HNF1B: variants seen among roughly 807,000 people sequenced by gnomAD.
The protein encoded by HNF1B is HNF1 homeobox B.
A neutral mutation model predicts 61.7 loss-of-function variants in HNF1B; 8 were observed. The ratio of observed to expected loss-of-function variants is 0.13; its 90% CI spans 0.08 to 0.23. HNF1B has a LOEUF of 0.23. Ranked by LOEUF, HNF1B falls within the 10% of genes least tolerant of loss-of-function variation. HNF1B has a pLI of 1.00. For missense variants in HNF1B, 562 were observed against 714.5 expected (o/e 0.79, Z 2.43); for synonymous variants, 314 against 287.7 (o/e 1.09, Z -0.93).
At chr17:37,705,618 T>C (rs1480100261) in intron 5 of HNF1B, among the ~76,000 whole-genome samples, 1 of 152,272 alleles carries the variant, frequency 6.6e-6, no homozygotes, top group Non-Finnish European at 1.5e-5. Context: ...CTACTGATTT[T>C]GGTGTATTTA....
At chr17:37,729,436 A>G (rs1309977268) in intron 4 of HNF1B, 2 of 95,272 alleles carry the variant, frequency 2.1e-5, no homozygotes, top group Non-Finnish European at 4.2e-5. Context: ...CTGTCTCTCA[A>G]AAAAAAAAAA....
intron 1 of HNF1B, among the ~76,000 whole-genome samples, chr17:37,743,120 C>T (rs1184546087): frequency 6.6e-6 from 1 of 152,234 alleles, no homozygotes; most frequent in Non-Finnish European, 1.5e-5. Flanking sequence ...GCCCCAGGTC[C>T]TTCCAGCGCC....
chr17:37,696,412 GGGTGACAGAAC>G (rs971797936), intron 8 of HNF1B, among the ~76,000 whole-genome samples: 32 of 152,238 alleles, frequency 2.1e-4, no homozygotes, highest in African/African-American at 7.2e-4. Flanking sequence ...ACTCCAGCCT[GGGTGACAGAAC>G]GGGACCCTGT....
At chr17:37,728,595 C>G (rs1434342850) in intron 4 of HNF1B, 2 of 151,574 alleles carry the variant, frequency 1.3e-5, no homozygotes, top group Non-Finnish European at 2.9e-5. Context: ...CGTGAGCCAC[C>G]GCACCCGGCC....
chr17:37,697,080 G>A (rs1292222728), intron 8 of HNF1B, among the ~76,000 whole-genome samples: 1 of 152,180 alleles, frequency 6.6e-6, no homozygotes. Flanking sequence ...TGGAGTCAAA[G>A]ACCAAAGCCT....
At chr17:37,717,909 A>T (rs570098247) in intron 4 of HNF1B, among the ~76,000 whole-genome samples, 1 of 152,338 alleles carries the variant, frequency 6.6e-6, no homozygotes, top group Non-Finnish European at 1.5e-5. Flanking sequence ...AAATCTGCAA[A>T]TGTGGAAGAA....
chr17:37,720,537 T>C (rs2033277040), intron 4 of HNF1B, among the ~76,000 whole-genome samples: 1 of 151,954 alleles, frequency 6.6e-6, no homozygotes, highest in South Asian at 2.1e-4. Context: ...AGCACATATA[T>C]GCTATATAAA....
intron 8 of HNF1B, among the ~76,000 whole-genome samples, chr17:37,691,526 A>G (rs189481233): frequency 3.9e-5 from 6 of 152,278 alleles, no homozygotes; most frequent in Admixed American, 3.9e-4. Flanking sequence ...AGAGCCGCTC[A>G]GGGGTGCTAG....
intron 2 of HNF1B, among the ~76,000 whole-genome samples, 192 bp downstream of exon 2, chr17:37,739,248 C>T (rs2033919737): frequency 1.3e-5 from 2 of 152,130 alleles, no homozygotes; most frequent in African/African-American, 4.8e-5. Flanking sequence ...AGCAAGGGGG[C>T]TGTGACTGAA....
At chr17:37,729,361 A>G (rs1403489327) in intron 4 of HNF1B, 1 of 146,152 alleles carries the variant, frequency 6.8e-6, no homozygotes, top group African/African-American at 2.5e-5. Context: ...TGAGACCAGG[A>G]GTTCGAGGCT....
At chr17:37,737,960 C>G (rs1218385303) in intron 2 of HNF1B, among the ~76,000 whole-genome samples, 1 of 152,234 alleles carries the variant, frequency 6.6e-6, no homozygotes, top group Non-Finnish European at 1.5e-5. Flanking sequence ...GGACCTCTGT[C>G]TTTTGAGAAG....
At chr17:37,733,955 G>T in intron 2 of HNF1B, 134 bp from the exon 3 acceptor site, 1 of 1,061,860 alleles carries the variant, frequency 9.4e-7, no homozygotes, top group Non-Finnish European at 1.4e-6. Flanking sequence ...TTCTCTCACT[G>T]CATGTGGAGC....
chr17:37,692,846 T>C (rs1045039424), intron 8 of HNF1B, among the ~76,000 whole-genome samples: 3 of 152,078 alleles, frequency 2.0e-5, no homozygotes, highest in African/African-American at 7.2e-5. Flanking sequence ...GACATTTTCT[T>C]CTCCCAGCCT....
chr17:37,688,916 G>A (rs1467859488), intron 8 of HNF1B, among the ~76,000 whole-genome samples: 3 of 152,122 alleles, frequency 2.0e-5, no homozygotes, highest in Non-Finnish European at 4.4e-5. Context: ...AGAGGCCAAG[G>A]CAGGTGGATC....
At position 37,699,138 on chromosome 17, in the gene HNF1B, C is replaced by G. The variant is rs752480540; in HGVS notation, c.1591G>C (p.Ala531Pro). ...CTGCTGGTATCTGTGACCACCATTG[C>G]AGATGGAAACCGGGAGGTGTGGGAA... ...QYSHTSRFPS[A>P]MVVTDTSSIS... The change falls in exon 8 of 9, where the codon GCA (alanine) becomes CCA (proline). Residue 531 changes from alanine (A) to proline (P), a missense_variant. Coordinates refer to ENST00000617811, the MANE Select transcript of HNF1B (RefSeq NM_000458.4). The G allele has an allele frequency of 3.1e-6, 5 of 1,614,132 alleles. No individual in the cohort carries two copies. The highest frequency in any genetic ancestry group is 3.3e-5 in the Admixed American group (2 of 60,026).
intron 7 of HNF1B, among the ~76,000 whole-genome samples, chr17:37,700,609 T>G (rs902438332): frequency 3.9e-5 from 6 of 152,184 alleles, no homozygotes; most frequent in Non-Finnish European, 7.4e-5. Context: ...AAGTTTAGAT[T>G]GCAAAGGCTA....
In HNF1B at chr17:37,744,953, T is replaced by TTCA; in HGVS notation, c.-72_-70dup. ...GCGAGAGAGGAGGGTGGAGGGGAGT[T>TTCA]TCACAAGCAAACCCCAAATCCAGGA... On this transcript the variant is annotated 5_prime_UTR_variant, in exon 1 of 9. The change creates a new upstream start codon in the 5' untranslated region. Coordinates refer to ENST00000617811, the MANE Select transcript of HNF1B (RefSeq NM_000458.4). The TTCA allele has an allele frequency of 7.4e-7, 1 of 1,348,150 alleles. No homozygotes were observed. Among genetic ancestry groups the TTCA allele is most frequent in the Non-Finnish European group, 1.0e-6 (1 of 962,940 alleles). The allele number at this position is 1,348,150 out of a possible 1,614,324, so 83.5% of individuals were successfully genotyped here.
At chr17:37,696,270 C>CA (rs202236067) in intron 8 of HNF1B, among the ~76,000 whole-genome samples, 3,050 of 151,546 alleles carry the variant, frequency 0.02, 89 homozygotes, top group South Asian at 0.063. Flanking sequence ...CATGGCAAAA[C>CA]AAAAAAAATG....
At chr17:37,719,544 G>A (rs1413213384) in intron 4 of HNF1B, among the ~76,000 whole-genome samples, 1 of 152,252 alleles carries the variant, frequency 6.6e-6, no homozygotes, top group Non-Finnish European at 1.5e-5. Context: ...TGGGGACACA[G>A]AGTGCCCTTC....
Sources: gnomAD v4.1 joint callset for allele counts (sites outside exome capture counted in the v4.1 genomes callset) on GRCh38, gnomAD v4.1.1 for gene constraint, MANE v1.5 for transcripts, NCBI Gene and HGNC (gene_info 2026-07-23, HGNC 2026-07-21) for gene names.